TMEM8B: variants seen among roughly 807,000 people sequenced by gnomAD.
The protein encoded by TMEM8B is nasopharyngeal carcinoma expressed 6.
TMEM8B carries 29 observed loss-of-function variants against 49.3 expected under a neutral mutation model. The ratio of observed to expected loss-of-function variants is 0.59; its 90% CI spans 0.44 to 0.80. The LOEUF (loss-of-function observed/expected upper bound fraction) is 0.80. Among genes scored for constraint, TMEM8B ranks in the 30% least tolerant of loss-of-function variants. The pLI is 0.00. For missense variants in TMEM8B, 575 were observed against 658.5 expected (o/e 0.87, Z 1.39); for synonymous variants, 264 against 272.8 (o/e 0.97, Z 0.32).
chr9:35,831,907 G>A (rs1829940977), intron 1 of TMEM8B, among the ~76,000 whole-genome samples: 1 of 152,130 alleles, frequency 6.6e-6, no homozygotes, highest in Admixed American at 6.5e-5. Context: ...GGTGGTGATG[G>A]GTTTTGTCTG....
chr9:35,847,104 C>T (rs1374589759), intron 10 of TMEM8B, 109 bp downstream of exon 10: 1 of 1,614,242 alleles, frequency 6.2e-7, no homozygotes, highest in Non-Finnish European at 8.5e-7. Flanking sequence ...TGTGCCTTCA[C>T]TGTGTCTTCT....
At chr9:35,834,366 G>A in intron 1 of TMEM8B, 95 bp from the exon 2 acceptor site, 1 of 401,576 alleles carries the variant, frequency 2.5e-6, no homozygotes, top group Non-Finnish European at 4.4e-6. Context: ...CATTTGTGGA[G>A]TTGATGCTAT....
At chr9:35,832,021 A>T (rs920967894) in intron 1 of TMEM8B, among the ~76,000 whole-genome samples, 1 of 152,172 alleles carries the variant, frequency 6.6e-6, no homozygotes, top group Non-Finnish European at 1.5e-5. Flanking sequence ...TCTTGGGTCT[A>T]GTGGTCCCAC....
At chr9:35,837,939 T>C (rs545858605) in intron 3 of TMEM8B, among the ~76,000 whole-genome samples, 4 of 152,258 alleles carry the variant, frequency 2.6e-5, no homozygotes, top group African/African-American at 9.6e-5. Flanking sequence ...TACTCCCAAA[T>C]GTCTAGAGTG....
At chr9:35,833,659 C>T (rs985570298) in intron 1 of TMEM8B, among the ~76,000 whole-genome samples, 1 of 152,208 alleles carries the variant, frequency 6.6e-6, no homozygotes, top group Non-Finnish European at 1.5e-5. Flanking sequence ...GTCACTAACT[C>T]ACTGCCTCAC....
At chr9:35,836,399 C>T (rs1457379731) in intron 3 of TMEM8B, among the ~76,000 whole-genome samples, 1 of 152,204 alleles carries the variant, frequency 6.6e-6, no homozygotes, top group Non-Finnish European at 1.5e-5. Context: ...AGGTCTTTGG[C>T]AAAATCCCAA....
At position 35,846,039 on chromosome 9, in the gene TMEM8B, TG is replaced by T; in HGVS notation, c.1705del (p.Asp569MetfsTer4). ...TTGACTCACGAGGTGCCCTTGAGCC[TG>T]GGGGATGCAGCAGTGACCTGTTCCA... ...GCLTHEVPLS[L>X]GDAAVTCSKE... On this transcript the variant is annotated frameshift_variant, in exon 7 of 13. Coordinates refer to ENST00000643932, the MANE Select transcript of TMEM8B (RefSeq NM_001042590.4). LOFTEE classifies it high-confidence loss of function. The T allele has an allele frequency of 1.9e-6, 3 of 1,605,268 alleles. No homozygotes were observed. Among genetic ancestry groups the T allele is most frequent in the Non-Finnish European group, 2.5e-6 (3 of 1,178,368 alleles).
rs1361114435 is a variant in TMEM8B, at chr9:35,862,885, T to C, written c.*9045T>C. ...CTGACTAGACTATGAGCTATTGCAG[T>C]GAAAGGGCTGTGTCCTTCATCACTG... On this transcript the variant is annotated 3_prime_UTR_variant, in exon 13 of 13. Transcript: ENST00000643932. 6.6e-6 allele frequency: 1 copy of C among 152,220 alleles called. No homozygotes were observed. The highest frequency in any genetic ancestry group is 2.4e-5 in the African/African-American group (1 of 41,446). 9.4% of individuals were successfully genotyped at this position (152,220 alleles called of 1,614,324 possible). A position where few individuals can be genotyped will look rare whatever the true frequency, so the allele number is the denominator to read the frequency against.
chr9:35,836,696 C>A (rs972671474), intron 3 of TMEM8B, among the ~76,000 whole-genome samples: 11 of 152,154 alleles, frequency 7.2e-5, no homozygotes, highest in Admixed American at 5.9e-4. Context: ...GGGAGCTGGG[C>A]AGTGAGGAAA....
intron 3 of TMEM8B, among the ~76,000 whole-genome samples, chr9:35,836,985 G>A (rs1006672294): frequency 2.0e-5 from 3 of 152,174 alleles, no homozygotes; most frequent in Non-Finnish European, 4.4e-5. Context: ...GGTCCTCAAA[G>A]GGTTCTTCAG....
chr9:35,835,662 T>A (rs1288619018), intron 3 of TMEM8B, among the ~76,000 whole-genome samples: 3 of 152,254 alleles, frequency 2.0e-5, no homozygotes, highest in Admixed American at 6.5e-5. Flanking sequence ...TTAGTCCATC[T>A]GGGAGAATGT....
intron 6 of TMEM8B, among the ~76,000 whole-genome samples, chr9:35,844,853 G>A (rs1223939272): frequency 6.6e-6 from 1 of 152,004 alleles, no homozygotes; most frequent in African/African-American, 2.4e-5. Flanking sequence ...ATTCTATGAC[G>A]CGTGCTAAGC....
At position 35,846,044 on chromosome 9, in the gene TMEM8B, G is replaced by C. The variant is rs769788367; in HGVS notation, c.1705G>C (p.Asp569His). 2 of 1,613,834 alleles carry C rather than the reference G, an allele frequency of 1.2e-6. No homozygotes were observed. The highest frequency in any genetic ancestry group is 1.7e-6 in the Non-Finnish European group (2 of 1,179,986). The change falls in exon 7 of 13, where the codon GAT becomes CAT. Residue 569 changes from aspartate to histidine, a missense_variant. By Grantham distance (81) the Asp-to-His change is moderately conservative (BLOSUM62 -1). Coordinates refer to ENST00000643932, the MANE Select transcript of TMEM8B (RefSeq NM_001042590.4). ...TCACGAGGTGCCCTTGAGCCTGGGG[G>C]ATGCAGCAGTGACCTGTTCCAAAGG... ...LTHEVPLSLG[D>H]AAVTCSKESL...
chr9:35,838,727 C>T (rs1350522374), intron 3 of TMEM8B, among the ~76,000 whole-genome samples: 2 of 152,174 alleles, frequency 1.3e-5, no homozygotes, highest in African/African-American at 4.8e-5. Context: ...CCAGTCCATG[C>T]TTCTTTCTCT....
At chr9:35,839,953 G>A (rs1217915504) in intron 3 of TMEM8B, among the ~76,000 whole-genome samples, 5 of 152,192 alleles carry the variant, frequency 3.3e-5, no homozygotes, top group Non-Finnish European at 7.3e-5. Flanking sequence ...TTTGCTGGAA[G>A]TCAGTGCCTT....
At position 35,853,550 on chromosome 9, in the gene TMEM8B, C is replaced by T. The variant is rs771534442; in HGVS notation, c.2485C>T (p.Arg829Cys). The T allele has an allele frequency of 5.6e-6, 9 of 1,614,040 alleles. No individual in the cohort carries two copies. The highest frequency in any genetic ancestry group is 1.1e-5 in the South Asian group (1 of 91,096). Residue 829 changes from arginine (R) to cysteine (C), a missense_variant, in exon 13 of 13, where the codon CGC becomes TGC. Coordinates refer to ENST00000643932, the MANE Select transcript of TMEM8B (RefSeq NM_001042590.4). This position sits in a 1 kb window ranked among gnomAD's most constrained non-coding sequence, Gnocchi z 4.2. ...CCGGCACTGCTACCCACCCACGTGG[C>T]GCCGCTGGCTTTTCTACTTGTGCCC... ...RRRHCYPPTW[R>C]RWLFYLCPGS...
rs1428932181 is a variant in TMEM8B at position 35,846,935 on chromosome 9, C to T, written c.2115C>T (p.Ala705=). The T allele has an allele frequency of 6.2e-7, 1 of 1,614,256 alleles. No homozygotes were observed. Among genetic ancestry groups the T allele is most frequent in the African/African-American group, 1.3e-5 (1 of 75,080 alleles). ...TGTTTCTGCCACCTGTGGTCCTGGC[C>T]ATTCGGAGTCGATATGTGCTGGAAG... ...NLMFLPPVVL[A]IRSRYVLEAA... Residue 705 remains alanine, a synonymous_variant, in exon 10 of 13, where the codon GCC becomes GCT. Coordinates refer to ENST00000643932, the MANE Select transcript of TMEM8B (RefSeq NM_001042590.4).
intron 3 of TMEM8B, among the ~76,000 whole-genome samples, chr9:35,835,946 C>G (rs1303873512): frequency 9.2e-5 from 14 of 152,220 alleles, no homozygotes; most frequent in Non-Finnish European, 1.5e-4. Flanking sequence ...CCAGACAGGT[C>G]TCCTATTCCT....
At position 35,856,242 on chromosome 9, in the gene TMEM8B, A is replaced by G. The variant is rs143439933; in HGVS notation, c.*2402A>G. On this transcript the variant is annotated 3_prime_UTR_variant, in exon 13 of 13. Coordinates refer to ENST00000643932, the MANE Select transcript of TMEM8B (RefSeq NM_001042590.4). ...AGTAAAGCTCTTAGAACACTTGTATAGTGCCTAGTCTGGTATGTGATGTGG... is the reference window on the plus strand; with the variant it reads ...AGTAAAGCTCTTAGAACACTTGTATGGTGCCTAGTCTGGTATGTGATGTGG... The G allele has an allele frequency of 8.5e-5, 13 of 152,356 alleles. No homozygotes were observed. Among genetic ancestry groups the G allele is most frequent in the African/African-American group, 1.9e-4 (8 of 41,560 alleles). The allele number at this position is 152,356 out of a possible 1,614,324, so 9.4% of individuals were successfully genotyped here.
Sources: allele counts gnomAD v4.1 joint callset (sites outside exome capture counted in the v4.1 genomes callset), GRCh38; gene constraint gnomAD v4.1.1; non-coding constraint Gnocchi (gnomAD v3.1); transcripts MANE v1.5; gene names NCBI Gene and HGNC (gene_info 2026-07-23, HGNC 2026-07-21).